GOLGA4: variants seen among roughly 807,000 people sequenced by gnomAD.
The protein encoded by GOLGA4 is golgin subfamily A member 4.
Under a neutral mutation model 265.9 loss-of-function variants are expected in GOLGA4, and 169 were observed. The observed-to-expected ratio is 0.64, with a 90% CI of 0.56 to 0.72. The LOEUF is 0.72. Ranked by LOEUF, GOLGA4 falls within the 30% of genes least tolerant of loss-of-function variation. The pLI is 0.00. For synonymous variants in GOLGA4, 923 were observed against 855.8 expected, an observed-to-expected ratio of 1.08 and a Z score of -1.37; for missense variants, 2,482 against 2,483.4, an observed-to-expected ratio of 1.00 and a Z score of 0.01.
At chr3:37,248,973 G>T (rs1323196202) in intron 1 of GOLGA4, among the ~76,000 whole-genome samples, 2 of 152,192 alleles carry the variant, frequency 1.3e-5, no homozygotes, top group African/African-American at 4.8e-5. Context: ...TAGTCAAGAG[G>T]TATTTCCTGT....
At chr3:37,315,943 G>A (rs530093499) in intron 11 of GOLGA4, among the ~76,000 whole-genome samples, 16 of 152,310 alleles carry the variant, frequency 1.1e-4, no homozygotes, top group South Asian at 4.1e-4. Flanking sequence ...CTTGCCTAAT[G>A]TGTGTTGAGG....
At chr3:37,251,119 G>A (rs1489430807) in intron 1 of GOLGA4, among the ~76,000 whole-genome samples, 4 of 151,898 alleles carry the variant, frequency 2.6e-5, no homozygotes, top group African/African-American at 7.3e-5. Context: ...CACTAGTATC[G>A]CAACTTTATT....
chr3:37,255,499 CCAAA>C (rs1230622305), intron 2 of GOLGA4, among the ~76,000 whole-genome samples: 3 of 151,940 alleles, frequency 2.0e-5, no homozygotes, highest in Non-Finnish European at 2.9e-5. Flanking sequence ...CTGAGGCACT[CCAAA>C]CAAAGACAGA....
In GOLGA4 at chr3:37,324,177, T is replaced by G. The variant is rs201080119; in HGVS notation, c.2291T>G (p.Leu764Arg). ...LKDQINQLEL[L>R]LKERDKHLKE... ...GATCAAATTAATCAACTTGAGCTTC[T>G]CTTGAAGGAAAGGGACAAGCATTTG... The change falls in exon 14 of 24, where the codon CTC becomes CGC. Residue 764 changes from leucine to arginine, a missense_variant. Around this residue, in one of 3 missense-constraint regions of GOLGA4, gnomAD observed 1,536 missense variants for 1,483.7 expected, o/e 1.04. Transcript: ENST00000361924. The G allele has an allele frequency of 2.5e-6, 4 of 1,613,996 alleles. No homozygotes were observed. The highest frequency in any genetic ancestry group is 3.4e-6 in the Non-Finnish European group (4 of 1,180,018).
rs369269056 is a variant in GOLGA4 at position 37,324,370 on chromosome 3, G to A, written c.2484G>A (p.Leu828=). 25 of 1,614,052 alleles carry A rather than the reference G, an allele frequency of 1.5e-5. No homozygotes were observed. Among genetic ancestry groups the A allele is most frequent in the Non-Finnish European group, 1.9e-5 (22 of 1,180,028 alleles). The change falls in exon 14 of 24, where the codon TTG becomes TTA. Residue 828 remains leucine, a synonymous_variant. Transcript: ENST00000361924. ...EEQLAQLQQK[L]LDLETERILL... is the part of the protein sequence containing the mutation. ...AGTTGGCCCAATTGCAGCAGAAGTTGTTGGATTTGGAAACAGAAAGAATTC... is the reference window on the plus strand; with the variant it reads ...AGTTGGCCCAATTGCAGCAGAAGTTATTGGATTTGGAAACAGAAAGAATTC...
chr3:37,255,241 A>G (rs567126487), intron 2 of GOLGA4, among the ~76,000 whole-genome samples: 2 of 151,848 alleles, frequency 1.3e-5, no homozygotes, highest in East Asian at 3.9e-4. Context: ...GCTCACTGCA[A>G]CCTCCACCTC....
intron 2 of GOLGA4, among the ~76,000 whole-genome samples, chr3:37,280,938 A>AT (rs2096833095): frequency 6.6e-6 from 1 of 152,072 alleles, no homozygotes; most frequent in Non-Finnish European, 1.5e-5. Flanking sequence ...TTCTGTTTTG[A>AT]TTTTTCAAAC....
chr3:37,258,102 G>GTA (rs544179876), intron 2 of GOLGA4, among the ~76,000 whole-genome samples: 1 of 131,188 alleles, frequency 7.6e-6, no homozygotes, highest in African/African-American at 2.9e-5. Context: ...TATATGCTCT[G>GTA]TATATATATA....
Position 37,323,973 on chromosome 3 carries a change from T to C in GOLGA4, c.2087T>C (p.Val696Ala). The C allele has an allele frequency of 6.2e-7, 1 of 1,613,526 alleles. No individual in the cohort carries two copies. The highest frequency in any genetic ancestry group is 8.5e-7 in the Non-Finnish European group (1 of 1,179,932). ...LESLSSELSE[V>A]LKARHKLEEE... ...TCATTATCTTCTGAACTGTCAGAAG[T>C]ATTAAAAGCCCGTCACAAACTAGAA... Residue 696 changes from valine (V) to alanine (A), a missense_variant, in exon 14 of 24, where the codon GTA becomes GCA. Val to Ala is a moderately conservative substitution (Grantham distance 64). This residue lies in a region of GOLGA4 where 1,536 missense variants were observed against 1,483.7 expected (regional missense o/e 1.04). Transcript: ENST00000361924.
chr3:37,347,255 C>T lies in GOLGA4; in HGVS notation c.6535C>T (p.Arg2179Ter), dbSNP rs1452583520. 3.1e-6 allele frequency: 5 copies of T among 1,611,860 alleles called. No homozygotes were observed. In the South Asian group the frequency reaches 3.3e-5, roughly 11 times the overall value. ...FGEPTEFEYL[R>*]KVLFEYMMGR... is the part of the protein sequence containing the mutation. ...AGAACCTACCGAATTTGAGTATTTG[C>T]GAAAAGTGCTTTTTGAGTATATGAT... The change falls in exon 21 of 24, where the codon CGA becomes TGA. Residue 2179 changes from arginine to a stop codon, truncating the protein, a stop_gained. Transcript: ENST00000361924. LOFTEE classifies it high-confidence loss of function.
intron 10 of GOLGA4, among the ~76,000 whole-genome samples, chr3:37,315,099 T>C (rs1033723005): frequency 1.3e-5 from 2 of 152,206 alleles, no homozygotes; most frequent in African/African-American, 4.8e-5. Flanking sequence ...TATCTTCATT[T>C]CTTTAAATGT....
intron 10 of GOLGA4, among the ~76,000 whole-genome samples, chr3:37,314,161 A>G (rs1021681796): frequency 1.3e-5 from 2 of 151,874 alleles, no homozygotes; most frequent in African/African-American, 4.8e-5. Context: ...GGGTTTCACC[A>G]TGTTGGCCAG....
intron 20 of GOLGA4, among the ~76,000 whole-genome samples, chr3:37,342,211 G>T (rs1190455683): frequency 1.3e-5 from 2 of 152,134 alleles, no homozygotes; most frequent in Non-Finnish European, 2.9e-5. Context: ...GCGTATGGTG[G>T]CGTACACCTG....
intron 22 of GOLGA4, among the ~76,000 whole-genome samples, chr3:37,357,419 G>A (rs1660459862): frequency 6.6e-6 from 1 of 152,134 alleles, no homozygotes; most frequent in South Asian, 2.1e-4. Context: ...TTAGGGGGAA[G>A]GGGTAATATC....
chr3:37,245,475 A>G (rs560656261), intron 1 of GOLGA4: 1 of 152,360 alleles, frequency 6.6e-6, no homozygotes, highest in African/African-American at 2.4e-5. Context: ...GTGTATTTAT[A>G]TACACACATA....
At position 37,335,101 on chromosome 3, in the gene GOLGA4, C is replaced by A. The variant is rs1452135536; in HGVS notation, c.6241C>A (p.Leu2081Ile). The stretch of plus-strand genomic sequence containing the variant: ...AAAAGTAAGGGACCTGCAGACTCAA[C>A]TTGAGGAGCTGCAGAAGAAATACCA... Reference protein sequence around the residue: ...TAKVRDLQTQLEELQKKYQQK... With the variant: ...TAKVRDLQTQIEELQKKYQQK... Residue 2081 changes from leucine (L) to isoleucine (I), a missense_variant, in exon 17 of 24, where the codon CTT (leucine) becomes ATT (isoleucine). By Grantham distance (5) the Leu-to-Ile change is conservative. Transcript: ENST00000361924. The A allele has an allele frequency of 7.5e-6, 12 of 1,609,878 alleles. No homozygotes were observed. The highest frequency in any genetic ancestry group is 1.0e-5 in the Non-Finnish European group (12 of 1,177,534).
At chr3:37,358,079 C>T (rs1187400873) in intron 22 of GOLGA4, among the ~76,000 whole-genome samples, 3 of 152,156 alleles carry the variant, frequency 2.0e-5, no homozygotes, top group Admixed American at 1.3e-4. Context: ...TTTTGCCGAG[C>T]TGCCCCCTCT....
At position 37,315,601 on chromosome 3, in the gene GOLGA4, A is replaced by G; in HGVS notation, c.1413+3A>G. 3 of 1,609,806 alleles carry G rather than the reference A, an allele frequency of 1.9e-6. No homozygotes were observed. Among genetic ancestry groups the G allele is most frequent in the South Asian group, 2.2e-5 (2 of 90,888 alleles). On this transcript the variant is annotated splice_donor_region_variant and intron_variant, in intron 11 of 23. Coordinates refer to ENST00000361924, the MANE Select transcript of GOLGA4 (RefSeq NM_002078.5). ...AGGAGGTTGTTGATGTAATGAAAGT[A>G]AGAATAATTCTGTAATGAAATGGGC...
Position 37,335,152 on chromosome 3 carries a change from C to G in GOLGA4, c.6292C>G (p.Pro2098Ala), listed in dbSNP as rs200502673. The part of the protein sequence containing the change: ...YQQKLEQEEN[P>A]GNDNVTIMEL... ...GCAAAAGCTAGAGCAGGAGGAGAACCCTGGCAATGATAATGTGAGAGGAGT... is the reference window on the plus strand; with the variant it reads ...GCAAAAGCTAGAGCAGGAGGAGAACGCTGGCAATGATAATGTGAGAGGAGT... The change falls in exon 17 of 24, where the codon CCT (proline) becomes GCT (alanine). Residue 2098 changes from proline (P) to alanine (A), a missense_variant. Coordinates refer to ENST00000361924, the MANE Select transcript of GOLGA4 (RefSeq NM_002078.5). 7.6e-6 allele frequency: 12 copies of G among 1,579,944 alleles called. No homozygotes were observed. The East Asian group carries it at 1.3e-4, about 18-fold the overall frequency.
Sources: allele counts gnomAD v4.1 joint callset (sites outside exome capture counted in the v4.1 genomes callset), GRCh38; gene constraint gnomAD v4.1.1; regional missense constraint gnomAD v4.1.1; transcripts MANE v1.5; gene names NCBI Gene and HGNC (gene_info 2026-07-23, HGNC 2026-07-21).